TCEANC2: variants seen among roughly 807,000 people sequenced by gnomAD.
TCEANC2 encodes the protein transcription elongation factor A N-terminal and central domain-containing protein 2.
Under a neutral mutation model 22.8 loss-of-function variants are expected in TCEANC2, and 20 were observed. That is an observed-to-expected ratio of 0.88 (90% CI 0.62 to 1.28). The LOEUF is 1.28. Ranked by LOEUF, TCEANC2 falls within the 50% of genes most tolerant of loss-of-function variation. TCEANC2 has a pLI of 0.00. For missense variants in TCEANC2, 251 were observed against 249.7 expected (o/e 1.01, Z -0.03); for synonymous variants, 84 against 95.5 (o/e 0.88, Z 0.70).
intron 3 of TCEANC2, among the ~76,000 whole-genome samples, chr1:54,076,982 C>T (rs1658155576): frequency 7.3e-6 from 1 of 136,390 alleles, no homozygotes; most frequent in South Asian, 2.2e-4. Flanking sequence ...TGAGAGATGA[C>T]ATTTGAGCAG....
chr1:54,054,671 C>T (rs1282568338), intron 2 of TCEANC2, 147 bp downstream of exon 2: 10 of 768,968 alleles, frequency 1.3e-5, no homozygotes, highest in Non-Finnish European at 2.0e-5. Flanking sequence ...TTGTTTCGCC[C>T]ATAGCTGTAC....
chr1:54,070,774 G>A (rs1423908614), intron 3 of TCEANC2, among the ~76,000 whole-genome samples: 1 of 152,164 alleles, frequency 6.6e-6, no homozygotes, highest in Non-Finnish European at 1.5e-5. Flanking sequence ...GGTTATAAGG[G>A]ACAAATATTT....
At chr1:54,090,038 A>G in intron 4 of TCEANC2, 1 of 675,952 alleles carries the variant, frequency 1.5e-6, no homozygotes, top group Admixed American at 1.9e-5. Context: ...CACAAATCAG[A>G]ATAGAATGGA....
intron 3 of TCEANC2, among the ~76,000 whole-genome samples, chr1:54,074,008 G>A (rs1271454080): frequency 6.6e-6 from 1 of 152,214 alleles, no homozygotes; most frequent in Admixed American, 6.5e-5. Context: ...AGCAGGTTTG[G>A]AGGTGGAGGG....
In TCEANC2 at chr1:54,102,769, C is replaced by T. The variant is rs1658684123; in HGVS notation, c.*6296C>T. 6.6e-6 allele frequency: 1 copy of T among 152,272 alleles called. No homozygotes were observed. Among genetic ancestry groups the T allele is most frequent in the African/African-American group, 2.4e-5 (1 of 41,460 alleles). 9.4% of individuals were successfully genotyped at this position (152,272 alleles called of 1,614,324 possible). A position where few individuals can be genotyped will look rare whatever the true frequency, so the allele number is the denominator to read the frequency against. ...CATGCCTTATCCTTAGATAGGTCAG[C>T]TCAGTGTGTGTGAGCAAGACAAAAA... On this transcript the variant is annotated 3_prime_UTR_variant, in exon 5 of 5. Coordinates refer to ENST00000234827, the MANE Select transcript of TCEANC2 (RefSeq NM_153035.3).
chr1:54,110,682 G>T (rs1453209873), downstream of TCEANC2, among the ~76,000 whole-genome samples: 1 of 152,138 alleles, frequency 6.6e-6, no homozygotes, highest in Non-Finnish European at 1.5e-5. Context: ...TAAAACAAAA[G>T]TCCTTACAGT....
At chr1:54,109,268 C>T (rs994534952), downstream of TCEANC2, among the ~76,000 whole-genome samples, 1 of 152,120 alleles carries the variant, frequency 6.6e-6, no homozygotes, top group Admixed American at 6.5e-5. Context: ...AGTGGCATTC[C>T]AGGTACAAGG....
chr1:54,107,517 G>A (rs1309289315), downstream of TCEANC2, among the ~76,000 whole-genome samples: 6 of 152,118 alleles, frequency 3.9e-5, no homozygotes, highest in Admixed American at 2.0e-4. Flanking sequence ...GGGGCTGGGG[G>A]TGGATTAAAC....
In TCEANC2 at chr1:54,067,859, C is replaced by A. The variant is rs192525260; in HGVS notation, c.103-897C>A. Among the ~76,000 whole-genome samples the A allele has an allele frequency of 2.6e-5, 4 of 152,166 alleles. No homozygotes were observed. The East Asian group carries it at 7.7e-4, about 29-fold the overall frequency. ...GATCAAAAAACAGTATTACCAGAAT[C>A]CCAGAATCCCCTTCAATTCCCGAAC... is the stretch of plus-strand genomic sequence containing the variant. On this transcript the variant is annotated intron_variant, in intron 2 of 4. Transcript: ENST00000234827.
chr1:54,060,342 T>G (rs1657829402), intron 2 of TCEANC2, among the ~76,000 whole-genome samples: 1 of 150,928 alleles, frequency 6.6e-6, no homozygotes, highest in Non-Finnish European at 1.5e-5. Context: ...GAGGCGGAGG[T>G]TGCAGTGAGC....
chr1:54,084,798 G>A (rs1658309345), intron 3 of TCEANC2, among the ~76,000 whole-genome samples: 1 of 152,012 alleles, frequency 6.6e-6, no homozygotes, highest in South Asian at 2.1e-4. Flanking sequence ...TAAATGCTCT[G>A]GATCTAGGTC....
chr1:54,072,768 G>A (rs1380544020), intron 3 of TCEANC2, among the ~76,000 whole-genome samples: 1 of 151,912 alleles, frequency 6.6e-6, no homozygotes, highest in Non-Finnish European at 1.5e-5. Flanking sequence ...TTTTTTTTTG[G>A]TGCATTCTTG....
intron 4 of TCEANC2, 132 bp downstream of exon 4, chr1:54,088,922 T>G: frequency 1.9e-6 from 1 of 513,906 alleles, no homozygotes; most frequent in Non-Finnish European, 3.2e-6. Flanking sequence ...AATTTCATAA[T>G]TAAGATTTCA....
intron 2 of TCEANC2, among the ~76,000 whole-genome samples, chr1:54,061,190 T>A (rs1657847195): frequency 6.6e-6 from 1 of 152,214 alleles, no homozygotes; most frequent in Non-Finnish European, 1.5e-5. Flanking sequence ...TAAATGTGAA[T>A]GTTAGAATCA....
chr1:54,073,167 G>T (rs1406780530), intron 3 of TCEANC2, among the ~76,000 whole-genome samples: 1 of 152,030 alleles, frequency 6.6e-6, no homozygotes, highest in East Asian at 1.9e-4. Context: ...GGGTCTCGCT[G>T]TGTTGCCCAG....
intron 3 of TCEANC2, among the ~76,000 whole-genome samples, 187 bp downstream of exon 3, chr1:54,069,084 A>T (rs1658009624): frequency 6.6e-6 from 1 of 152,212 alleles, no homozygotes; most frequent in South Asian, 2.1e-4. Flanking sequence ...TATTAAAAAA[A>T]TTATCAGAAA....
chr1:54,062,745 AAATG>A (rs1398996523), intron 2 of TCEANC2, among the ~76,000 whole-genome samples: 2 of 152,228 alleles, frequency 1.3e-5, no homozygotes, highest in East Asian at 1.9e-4. Flanking sequence ...TTTATCAGGT[AAATG>A]AGGTAAAGAA....
downstream of TCEANC2, among the ~76,000 whole-genome samples, chr1:54,108,758 G>A (rs2100399672): frequency 6.6e-6 from 1 of 152,166 alleles, no homozygotes; most frequent in South Asian, 2.1e-4. Context: ...GGATCATGAG[G>A]TCAGGAGATT....
rs903627849 is a variant in TCEANC2, at chr1:54,103,271, T to G, written c.*6798T>G. On this transcript the variant is annotated 3_prime_UTR_variant, in exon 5 of 5. Transcript: ENST00000234827. The stretch of plus-strand genomic sequence containing the variant: ...CTGCTATAAAGATACTACCTGAGAC[T>G]GGGTAATTTAAGAAGGAAAGAGGTT... The G allele has an allele frequency of 2.6e-5, 4 of 152,248 alleles. No homozygotes were observed. The highest frequency in any genetic ancestry group is 4.4e-5 in the Non-Finnish European group (3 of 68,098). 9.4% of individuals were successfully genotyped at this position (152,248 alleles called of 1,614,324 possible).
Sources: allele counts gnomAD v4.1 joint callset (sites outside exome capture counted in the v4.1 genomes callset), GRCh38; gene constraint gnomAD v4.1.1; transcripts MANE v1.5; gene names NCBI Gene and HGNC (gene_info 2026-07-23, HGNC 2026-07-21).